The following MAML3 variants were observed in gnomAD, a reference collection of about 807,000 sequenced individuals.
The protein encoded by MAML3 is mastermind-like protein 3.
Under a neutral mutation model 101.9 loss-of-function variants are expected in MAML3, and 27 were observed. The observed-to-expected ratio is 0.27, with a 90% CI of 0.20 to 0.37. The LOEUF (loss-of-function observed/expected upper bound fraction) is 0.37, where lower values mean the gene tolerates loss of function less well. Among genes scored for constraint, MAML3 ranks in the 10% least tolerant of loss-of-function variants. The probability of loss-of-function intolerance (pLI) is 1.00; values close to 1 mark genes in which losing one functional copy is unlikely to be tolerated. For missense variants in MAML3, 1,316 were observed against 1,444.9 expected, an observed-to-expected ratio of 0.91 and a Z score of 1.45; for synonymous variants, 501 against 555.9, an observed-to-expected ratio of 0.90 and a Z score of 1.39.
chr4:140,019,870 TATATGACGAA>T (rs1333717392), intron 1 of MAML3, among the ~76,000 whole-genome samples: 4 of 152,202 alleles, frequency 2.6e-5, no homozygotes, highest in Admixed American at 6.5e-5. Flanking sequence ...CTGCCTAATT[TATATGACGAA>T]ATATTAAAGC....
intron 2 of MAML3, among the ~76,000 whole-genome samples, chr4:139,847,458 A>G (rs1016005621): frequency 5.9e-5 from 9 of 152,190 alleles, no homozygotes; most frequent in African/African-American, 2.2e-4. Context: ...TCTCTCCCTC[A>G]AACACTTGGG....
intron 1 of MAML3, among the ~76,000 whole-genome samples, chr4:140,088,142 C>T (rs1727988329): frequency 6.6e-6 from 1 of 151,884 alleles, no homozygotes; most frequent in Non-Finnish European, 1.5e-5. Flanking sequence ...CATTTGAGCC[C>T]AGGAGTTCGA....
chr4:139,753,343 T>C (rs1202303544), intron 2 of MAML3, among the ~76,000 whole-genome samples: 2 of 119,680 alleles, frequency 1.7e-5, no homozygotes, highest in African/African-American at 5.7e-5. Flanking sequence ...TTCTTTTTAA[T>C]CTATCTATCT....
At chr4:140,001,368 G>A (rs1474814345) in intron 1 of MAML3, among the ~76,000 whole-genome samples, 1 of 152,200 alleles carries the variant, frequency 6.6e-6, no homozygotes, top group Non-Finnish European at 1.5e-5. Context: ...TTTAAGGAAG[G>A]TAGGGAGCAG....
At chr4:140,151,795 C>T (rs1729176025) in intron 1 of MAML3, among the ~76,000 whole-genome samples, 1 of 152,136 alleles carries the variant, frequency 6.6e-6, no homozygotes, top group Non-Finnish European at 1.5e-5. Flanking sequence ...TTCTAGCCTC[C>T]GGCTTGGGGG....
intron 1 of MAML3, among the ~76,000 whole-genome samples, chr4:140,132,397 G>A (rs1016899952): frequency 3.3e-5 from 5 of 152,164 alleles, no homozygotes; most frequent in Non-Finnish European, 5.9e-5. Context: ...AAACAAAGAT[G>A]ACTCTCAGAT....
intron 1 of MAML3, among the ~76,000 whole-genome samples, chr4:140,089,455 G>A (rs1056265030): frequency 1.3e-5 from 2 of 152,130 alleles, no homozygotes; most frequent in African/African-American, 4.8e-5. Context: ...ATGACCTTGG[G>A]CAAGTCACTT....
chr4:139,730,341 C>T (rs994520194), intron 3 of MAML3, 75 bp downstream of exon 3: 26 of 1,344,042 alleles, frequency 1.9e-5, no homozygotes, highest in Non-Finnish European at 2.2e-5. Flanking sequence ...ACTGCCACTT[C>T]CTCACAGGCA....
intron 1 of MAML3, among the ~76,000 whole-genome samples, chr4:140,066,607 A>G (rs1038135004): frequency 7.2e-5 from 11 of 152,192 alleles, no homozygotes; most frequent in Admixed American, 4.6e-4. Flanking sequence ...TTCAGAATAC[A>G]AGGATATCCA....
intron 3 of MAML3, among the ~76,000 whole-genome samples, chr4:139,729,807 G>A (rs1412049754): frequency 5.3e-5 from 8 of 152,234 alleles, no homozygotes; most frequent in Non-Finnish European, 1.0e-4. Flanking sequence ...AGCTGTATTT[G>A]TGTTAGGCTT....
intron 1 of MAML3, among the ~76,000 whole-genome samples, chr4:140,056,464 T>C: frequency 6.6e-6 from 1 of 151,662 alleles, no homozygotes; most frequent in East Asian, 2.0e-4. Context: ...TTCAAAAGAT[T>C]CTCCTGCCTC....
At chr4:140,042,642 GAA>G (rs5862451) in intron 1 of MAML3, among the ~76,000 whole-genome samples, 1 of 150,862 alleles carries the variant, frequency 6.6e-6, no homozygotes, top group Non-Finnish European at 1.5e-5. Flanking sequence ...TCAAAAAAAA[GAA>G]AAAAAAAATG....
At chr4:140,129,435 G>C (rs980264649) in intron 1 of MAML3, among the ~76,000 whole-genome samples, 1 of 152,060 alleles carries the variant, frequency 6.6e-6, no homozygotes, top group Non-Finnish European at 1.5e-5. Context: ...ACTTATTTTT[G>C]ATCAAATTAA....
At position 139,719,784 on chromosome 4, in the gene MAML3, C is replaced by T. The variant is rs1394515867; in HGVS notation, c.2956G>A (p.Ala986Thr). Residue 986 changes from alanine (A) to threonine (T), a missense_variant, in exon 5 of 5, where the codon GCC (alanine) becomes ACC (threonine). Physicochemically the swap from Ala to Thr is moderately conservative, Grantham distance 58. Transcript: ENST00000509479. ...SGELGPFNNG[A>T]SYPLQAGQPR... ...TGCCCAGCTTGAAGAGGGTAGCTGGCGCCATTGTTGAATGGTCCCAATTCT... is the reference window on the plus strand; with the variant it reads ...TGCCCAGCTTGAAGAGGGTAGCTGGTGCCATTGTTGAATGGTCCCAATTCT... 1.4e-5 allele frequency: 22 copies of T among 1,613,600 alleles called. No individual in the cohort carries two copies. Among genetic ancestry groups the T allele is most frequent in the East Asian group, 4.5e-5 (2 of 44,882 alleles).
rs1732704309 is a variant in MAML3, at chr4:139,900,820, CATACA to C, written c.469-9858_469-9854del. Among the ~76,000 whole-genome samples the C allele has an allele frequency of 2.0e-5, 3 of 152,172 alleles. No homozygotes were observed. The South Asian group carries it at 6.2e-4, about 32-fold the overall frequency. On this transcript the variant is annotated intron_variant, in intron 1 of 4. Coordinates refer to ENST00000509479, the MANE Select transcript of MAML3 (RefSeq NM_018717.5). ...ACTAAATGTTTCAATATATTATTGT[CATACA>C]ATATTCTAATTGACTGAGAGCTAAC...
At chr4:140,145,398 G>A (rs576844029) in intron 1 of MAML3, among the ~76,000 whole-genome samples, 16 of 152,290 alleles carry the variant, frequency 1.1e-4, no homozygotes, top group Non-Finnish European at 2.1e-4. Flanking sequence ...AAAGGGGGAT[G>A]AATGTTAGTT....
chr4:140,123,567 G>C (rs1428402719), intron 1 of MAML3, among the ~76,000 whole-genome samples: 1 of 152,004 alleles, frequency 6.6e-6, no homozygotes, highest in Non-Finnish European at 1.5e-5. Flanking sequence ...TGGTTCCTAA[G>C]TCTGATCCGT....
intron 1 of MAML3, among the ~76,000 whole-genome samples, chr4:140,016,703 A>T (rs528491305): frequency 6.6e-6 from 1 of 152,348 alleles, no homozygotes; most frequent in African/African-American, 2.4e-5. Flanking sequence ...AGACTTTTCA[A>T]CAAATGGCCA....
chr4:139,784,585 G>A (rs1365487944), intron 2 of MAML3, among the ~76,000 whole-genome samples: 2 of 152,242 alleles, frequency 1.3e-5, no homozygotes, highest in Non-Finnish European at 2.9e-5. Context: ...TGTGTGGGTC[G>A]CCTTTCTCAA....
Sources: gnomAD v4.1 joint callset for allele counts (sites outside exome capture counted in the v4.1 genomes callset) on GRCh38, gnomAD v4.1.1 for gene constraint, MANE v1.5 for transcripts, NCBI Gene and HGNC (gene_info 2026-07-23, HGNC 2026-07-21) for gene names.